ZNF215: variants seen among roughly 807,000 people sequenced by gnomAD.
The protein encoded by ZNF215 is zinc finger protein 215.
ZNF215 carries 24 observed loss-of-function variants against 27.2 expected under a neutral mutation model. The observed-to-expected ratio is 0.88, with a 90% CI of 0.64 to 1.24. The LOEUF (loss-of-function observed/expected upper bound fraction) is 1.24. Ranked by LOEUF, ZNF215 falls within the 50% of genes most tolerant of loss-of-function variation. The pLI, the probability that ZNF215 is intolerant of heterozygous loss-of-function variation, is 0.00. For missense variants in ZNF215, 675 were observed against 605.7 expected (o/e 1.11, Z -1.20); for synonymous variants, 210 against 204.0 (o/e 1.03, Z -0.25).
intron 6 of ZNF215, among the ~76,000 whole-genome samples, chr11:6,951,727 A>G (rs895557397): frequency 2.0e-5 from 3 of 151,762 alleles, no homozygotes; most frequent in Non-Finnish European, 4.4e-5. Flanking sequence ...TTGTGTCTCT[A>G]TTTCCTTCAG....
chr11:6,972,644 A>G (rs1009757618), intron 5 of ZNF215, among the ~76,000 whole-genome samples: 9 of 152,168 alleles, frequency 5.9e-5, no homozygotes, highest in Non-Finnish European at 1.2e-4. Flanking sequence ...TTTCATAAAT[A>G]CCAAAACTCT....
intron 5 of ZNF215, chr11:6,984,006 C>T (rs192966144): frequency 6.9e-6 from 2 of 289,532 alleles, no homozygotes; most frequent in Non-Finnish European, 1.3e-5. Context: ...CATGATAGTA[C>T]TCAGTATTGG....
chr11:6,947,502 C>T (rs1368135149), intron 6 of ZNF215, among the ~76,000 whole-genome samples: 1 of 152,108 alleles, frequency 6.6e-6, no homozygotes, highest in Non-Finnish European at 1.5e-5. Flanking sequence ...GATTGTATCA[C>T]TGCATCCCAT....
rs1391575440 is a variant in ZNF215 at position 6,958,018 on chromosome 11, ACTC to A, written c.*1490_*1492del. The stretch of plus-strand genomic sequence containing the variant: ...AGGCAGAAAAGGTATACTGGAGTGA[ACTC>A]CTATGATTAAATAATGTCAAAATCT... On this transcript the variant is annotated 3_prime_UTR_variant, in exon 7 of 7. Transcript: ENST00000278319. 1 of 985,224 alleles carries A rather than the reference ACTC, an allele frequency of 1.0e-6. No individual in the cohort carries two copies. Among genetic ancestry groups the A allele is most frequent in the Non-Finnish European group, 1.2e-6 (1 of 829,914 alleles). The allele number at this position is 985,224 out of a possible 1,614,324, so 61.0% of individuals were successfully genotyped here.
chr11:6,990,923 C>G (rs1365585773), downstream of ZNF215, among the ~76,000 whole-genome samples: 1 of 152,178 alleles, frequency 6.6e-6, no homozygotes, highest in Non-Finnish European at 1.5e-5. Context: ...AATCAAGCAA[C>G]AATTATAAGA....
At position 6,984,177 on chromosome 11, in the gene ZNF215, C is replaced by T. The variant is rs544923873; in HGVS notation, c.854C>T (p.Ser285Leu). 4.1e-4 allele frequency: 151 copies of T among 366,982 alleles called. 1 individual carries two copies. The highest frequency in any genetic ancestry group is 2.9e-3 in the South Asian group (143 of 50,144). 22.7% of individuals were successfully genotyped at this position (366,982 alleles called of 1,614,324 possible). A position where few individuals can be genotyped will look rare whatever the true frequency, so the allele number is the denominator to read the frequency against. The stretch of plus-strand genomic sequence containing the variant: ...AGGCTGGAGTATAATGATGCAGTCT[C>T]GGCTCACTGCAACCTCCACCTCTGG... Residue 285 changes from serine to leucine, a missense_variant, in exon 6 of 6, where the codon TCG becomes TTG. By Grantham distance (145) the Ser-to-Leu change is moderately radical. Coordinates refer to the ZNF215 transcript ENST00000529903.
At position 6,932,339 on chromosome 11, in the gene ZNF215, G is replaced by C; in HGVS notation, c.67G>C (p.Glu23Gln). 6.2e-7 allele frequency: 1 copy of C among 1,614,174 alleles called. No individual in the cohort carries two copies. ...AAACCTGTCTCTACGTGAACAAAGA[G>C]AGGTTCTGAGAGCAGATATGTCTTG... Reference protein sequence around the residue: ...PRNLSLREQREVLRADMSWQQ... With the variant: ...PRNLSLREQRQVLRADMSWQQ... The change falls in exon 3 of 7, where the codon GAG (glutamate) becomes CAG (glutamine). Residue 23 changes from glutamate to glutamine, a missense_variant. Physicochemically the swap from Glu to Gln is conservative, Grantham distance 29. Transcript: ENST00000278319.
intron 5 of ZNF215, among the ~76,000 whole-genome samples, chr11:6,980,340 G>T (rs972614181): frequency 2.0e-4 from 30 of 152,092 alleles, no homozygotes; most frequent in African/African-American, 7.0e-4. Context: ...GCAATGTTCT[G>T]TAATCATAAA....
At chr11:6,979,978 G>A (rs1411168267) in intron 5 of ZNF215, among the ~76,000 whole-genome samples, 1 of 151,974 alleles carries the variant, frequency 6.6e-6, no homozygotes, top group South Asian at 2.1e-4. Context: ...ATTGTCAATT[G>A]TTAACATTAA....
At chr11:6,974,201 TTGTAGA>T (rs1344310430) in intron 5 of ZNF215, among the ~76,000 whole-genome samples, 1 of 152,070 alleles carries the variant, frequency 6.6e-6, no homozygotes, top group Non-Finnish European at 1.5e-5. Flanking sequence ...GATCAGATGG[TTGTAGA>T]TGTGTGGTAT....
chr11:6,939,617 A>G (rs1849566399), intron 3 of ZNF215, among the ~76,000 whole-genome samples: 1 of 152,174 alleles, frequency 6.6e-6, no homozygotes, highest in Admixed American at 6.5e-5. Context: ...GCCAAGATCC[A>G]TTTAGCAAGG....
chr11:6,963,181 C>T (rs1396634192), intron 5 of ZNF215, among the ~76,000 whole-genome samples: 1 of 151,996 alleles, frequency 6.6e-6, no homozygotes, highest in African/African-American at 2.4e-5. Flanking sequence ...ACAGTTCCAC[C>T]ACTACAGAAA....
At chr11:6,933,657 G>A (rs1849341623) in intron 3 of ZNF215, among the ~76,000 whole-genome samples, 1 of 151,986 alleles carries the variant, frequency 6.6e-6, no homozygotes, top group Non-Finnish European at 1.5e-5. Flanking sequence ...CGGGCATGGT[G>A]GTGGGCGGGC....
intron 5 of ZNF215, among the ~76,000 whole-genome samples, chr11:6,967,473 T>A (rs564907764): frequency 1.3e-5 from 2 of 152,344 alleles, no homozygotes; most frequent in Non-Finnish European, 2.9e-5. Flanking sequence ...ATCTGTTGTT[T>A]CCTGACTTTT....
chr11:6,930,146 C>T (rs1359125953), intron 2 of ZNF215, among the ~76,000 whole-genome samples: 1 of 148,956 alleles, frequency 6.7e-6, no homozygotes, highest in Non-Finnish European at 1.5e-5. Flanking sequence ...TCTGGCAGTA[C>T]AAGATGCCCC....
chr11:6,991,905 T>C (rs1452126104), downstream of ZNF215, among the ~76,000 whole-genome samples: 2 of 152,240 alleles, frequency 1.3e-5, no homozygotes, highest in African/African-American at 2.4e-5. Context: ...CTGGCTCTAC[T>C]GGCATCTCCC....
chr11:6,988,249 A>G, downstream of ZNF215: 2 of 985,568 alleles, frequency 2.0e-6, no homozygotes, highest in East Asian at 1.1e-4. Flanking sequence ...AATGAGGGGC[A>G]CTAAGCACTG....
chr11:6,988,774 A>C (rs1851087041), downstream of ZNF215: 1 of 152,192 alleles, frequency 6.6e-6, no homozygotes, highest in South Asian at 2.1e-4. Flanking sequence ...AGATATGCTA[A>C]AGATGTTTTC....
intron 6 of ZNF215, among the ~76,000 whole-genome samples, chr11:6,949,189 A>G (rs1489884252): frequency 6.6e-6 from 1 of 151,834 alleles, no homozygotes; most frequent in South Asian, 2.1e-4. Flanking sequence ...TGCTATTGTG[A>G]ATAGTGCCTC....
Sources: allele counts gnomAD v4.1 joint callset (sites outside exome capture counted in the v4.1 genomes callset), GRCh38; gene constraint gnomAD v4.1.1; transcripts MANE v1.5; gene names NCBI Gene and HGNC (gene_info 2026-07-23, HGNC 2026-07-21).